The following TMEM70 variants were observed in gnomAD, a reference collection of about 807,000 sequenced individuals.
TMEM70 encodes transmembrane protein 70.
TMEM70 carries 15 observed loss-of-function variants against 20.5 expected under a neutral mutation model. The ratio of observed to expected loss-of-function variants is 0.73; its 90% CI spans 0.49 to 1.13. TMEM70 has a LOEUF of 1.13. Ranked by LOEUF, TMEM70 falls within the 50% of genes most tolerant of loss-of-function variation. The pLI is 0.00. For synonymous variants in TMEM70, 141 were observed against 134.2 expected, an observed-to-expected ratio of 1.05 and a Z score of -0.35; for missense variants, 344 against 331.7, an observed-to-expected ratio of 1.04 and a Z score of -0.29.
In TMEM70 at chr8:73,982,762, G is replaced by A. The variant is rs1815846195; in HGVS notation, c.*1141G>A. On this transcript the variant is annotated 3_prime_UTR_variant, in exon 3 of 3. Transcript: ENST00000312184. Reference sequence around the variant, plus strand: ...ACCCTATGGGTGTAGGAAAACCACTGTTATTAAACAGGTGAAAAATACCTT... The same window carrying A: ...ACCCTATGGGTGTAGGAAAACCACTATTATTAAACAGGTGAAAAATACCTT... The A allele has an allele frequency of 2.2e-6, 1 of 451,934 alleles. No homozygotes were observed. The highest frequency in any genetic ancestry group is 1.6e-5 in the South Asian group (1 of 64,104). 28.0% of individuals were successfully genotyped at this position (451,934 alleles called of 1,614,324 possible). A position where few individuals can be genotyped will look rare whatever the true frequency, so the allele number is the denominator to read the frequency against.
chr8:73,976,649 G>A (rs953474133), intron 1 of TMEM70, among the ~76,000 whole-genome samples, 158 bp downstream of exon 1: 6 of 152,240 alleles, frequency 3.9e-5, no homozygotes, highest in Non-Finnish European at 8.8e-5. Flanking sequence ...GTAGCAGGCC[G>A]AGGGCCCCGG....
At chr8:73,977,709 G>A (rs547758421) in intron 1 of TMEM70, among the ~76,000 whole-genome samples, 2 of 152,076 alleles carry the variant, frequency 1.3e-5, no homozygotes, top group South Asian at 4.2e-4. Flanking sequence ...TTGCCATGTT[G>A]CCCAGGCTGG....
At chr8:73,977,729 C>G (rs1354432441) in intron 1 of TMEM70, among the ~76,000 whole-genome samples, 3 of 151,730 alleles carry the variant, frequency 2.0e-5, no homozygotes, top group Admixed American at 6.6e-5. Context: ...GCCTTAAACT[C>G]CTGGGCTCAA....
intron 1 of TMEM70, among the ~76,000 whole-genome samples, chr8:73,976,856 T>A (rs555902374): frequency 6.6e-6 from 1 of 152,344 alleles, no homozygotes; most frequent in East Asian, 1.9e-4. Context: ...TTAACCTGAC[T>A]TTGAGCTTGT....
Position 73,982,139 on chromosome 8 carries a change from T to C in TMEM70, c.*518T>C. The C allele has an allele frequency of 5.7e-6, 3 of 522,126 alleles. No homozygotes were observed. The highest frequency in any genetic ancestry group is 4.2e-5 in the South Asian group (3 of 70,902). 32.3% of individuals were successfully genotyped at this position (522,126 alleles called of 1,614,324 possible). On this transcript the variant is annotated 3_prime_UTR_variant, in exon 3 of 3. Coordinates refer to ENST00000312184, the MANE Select transcript of TMEM70 (RefSeq NM_017866.6). ...TTGCAGCAGCCATGGCTTTTAAACA[T>C]ACCAGAAAAACACCCGTGGAGTCAG...
intron 1 of TMEM70, among the ~76,000 whole-genome samples, chr8:73,978,357 G>GAGCAAGACTCTGTCTCAAAAAAA (rs1356622043): frequency 1.3e-5 from 2 of 150,536 alleles, no homozygotes; most frequent in African/African-American, 4.9e-5. Context: ...AAAGTGCTGG[G>GAGCAAGACTCTGTCTCAAAAAAA]ATTACAGGCA....
At chr8:73,978,610 A>G (rs1815711139) in intron 1 of TMEM70, 146 bp from the exon 2 acceptor site, 3 of 751,212 alleles carry the variant, frequency 4.0e-6, no homozygotes, top group African/African-American at 1.8e-5. Flanking sequence ...GAATTGCTTG[A>G]ACCCGGGAAG....
chr8:73,979,237 C>G (rs749564362), intron 2 of TMEM70: 3 of 347,442 alleles, frequency 8.6e-6, no homozygotes, highest in Non-Finnish European at 1.7e-5. Context: ...CCATGTTGGT[C>G]AGGCTGGTCT....
intron 2 of TMEM70, 166 bp downstream of exon 2, chr8:73,979,027 C>T (rs1815724801): frequency 2.4e-6 from 2 of 844,134 alleles, no homozygotes; most frequent in South Asian, 1.5e-5. Context: ...GATGTAGAGA[C>T]CTTTGCATTT....
In TMEM70 at chr8:73,981,344, G is replaced by C. The variant is rs752198525; in HGVS notation, c.506G>C (p.Arg169Pro). The C allele has an allele frequency of 6.2e-7, 1 of 1,614,152 alleles. No homozygotes were observed. Among genetic ancestry groups the C allele is most frequent in the Admixed American group, 1.7e-5 (1 of 60,018 alleles). Residue 169 changes from arginine to proline, a missense_variant, in exon 3 of 3, where the codon CGA becomes CCA. Arg to Pro is a moderately radical substitution (Grantham distance 103, BLOSUM62 -2). Coordinates refer to ENST00000312184, the MANE Select transcript of TMEM70 (RefSeq NM_017866.6). ...LHFITKGYVI[R>P]LYHEATTDTY... is the part of the protein sequence containing the mutation. ...TTTATTACAAAAGGCTATGTCATTCGATTGTACCATGAGGCCACAACAGAC... is the reference window on the plus strand; with the variant it reads ...TTTATTACAAAAGGCTATGTCATTCCATTGTACCATGAGGCCACAACAGAC...
chr8:73,978,611 A>G, intron 1 of TMEM70, 145 bp from the exon 2 acceptor site: 1 of 727,608 alleles, frequency 1.4e-6, no homozygotes, highest in South Asian at 1.7e-5. Context: ...AATTGCTTGA[A>G]CCCGGGAAGC....
At position 73,981,332 on chromosome 8, in the gene TMEM70, G is replaced by C. The variant is rs121908743; in HGVS notation, c.494G>C (p.Gly165Ala). The C allele has an allele frequency of 6.2e-7, 1 of 1,614,114 alleles. No individual in the cohort carries two copies. Among genetic ancestry groups the C allele is most frequent in the Admixed American group, 1.7e-5 (1 of 60,010 alleles). The change falls in exon 3 of 3, where the codon GGC (glycine) becomes GCC (alanine). Residue 165 changes from glycine (G) to alanine (A), a missense_variant. Physicochemically the swap from Gly to Ala is moderately conservative, Grantham distance 60. Transcript: ENST00000312184. The part of the protein sequence containing the change: ...TPVLLHFITK[G>A]YVIRLYHEAT... ...GTGCTGCTTCACTTTATTACAAAAG[G>C]CTATGTCATTCGATTGTACCATGAG...
chr8:73,978,506 A>T (rs1024538227), intron 1 of TMEM70, among the ~76,000 whole-genome samples: 1 of 147,790 alleles, frequency 6.8e-6, no homozygotes, highest in Non-Finnish European at 1.5e-5. Context: ...TCTGGCCAAC[A>T]TGGTGAAACC....
rs1815841793 is a variant in TMEM70, at chr8:73,982,625, A to T, written c.*1004A>T. 1 of 475,554 alleles carries T rather than the reference A, an allele frequency of 2.1e-6. No homozygotes were observed. The highest frequency in any genetic ancestry group is 2.3e-5 in the Admixed American group (1 of 43,426). The allele number at this position is 475,554 out of a possible 1,614,324, so 29.5% of individuals were successfully genotyped here. On this transcript the variant is annotated 3_prime_UTR_variant, in exon 3 of 3. Transcript: ENST00000312184. ...CCTAACCCCTGGCATGATTGCCCAT[A>T]AGAACATACATGTACAGTTGAACTG... is the stretch of plus-strand genomic sequence containing the variant.
At chr8:73,979,714 C>G (rs1293142380) in intron 2 of TMEM70, among the ~76,000 whole-genome samples, 17 of 151,844 alleles carry the variant, frequency 1.1e-4, no homozygotes, top group Admixed American at 1.1e-3. Flanking sequence ...TCGAGTGATC[C>G]TCCCACCTCA....
At position 73,976,197 on chromosome 8, in the gene TMEM70, T is replaced by C. The variant is rs1304304560; in HGVS notation, c.-85T>C. On this transcript the variant is annotated 5_prime_UTR_variant, in exon 1 of 3. Transcript: ENST00000312184. Reference sequence around the variant, plus strand: ...GCGTCCCGGGCTGGGCATGCGCCACTTGTGCGGCAGTCGGGTGGGAAGCCG... The same window carrying C: ...GCGTCCCGGGCTGGGCATGCGCCACCTGTGCGGCAGTCGGGTGGGAAGCCG... The C allele has an allele frequency of 1.5e-6, 2 of 1,326,376 alleles. No homozygotes were observed. The highest frequency in any genetic ancestry group is 1.2e-5 in the South Asian group (1 of 80,678). The allele number at this position is 1,326,376 out of a possible 1,614,324, so 82.2% of individuals were successfully genotyped here.
At position 73,982,727 on chromosome 8, in the gene TMEM70, C is replaced by T. The variant is rs1488350458; in HGVS notation, c.*1106C>T. 1 of 455,446 alleles carries T rather than the reference C, an allele frequency of 2.2e-6. No homozygotes were observed. Among genetic ancestry groups the T allele is most frequent in the South Asian group, 1.6e-5 (1 of 64,492 alleles). The allele number at this position is 455,446 out of a possible 1,614,324, so 28.2% of individuals were successfully genotyped here. On this transcript the variant is annotated 3_prime_UTR_variant, in exon 3 of 3. Coordinates refer to ENST00000312184, the MANE Select transcript of TMEM70 (RefSeq NM_017866.6). ...TTGTTTCTGCAACTGTGCACTCCTC[C>T]CTTGGTGGCACCCTATGGGTGTAGG...
chr8:73,976,238 G>C lies in TMEM70; in HGVS notation c.-44G>C. On this transcript the variant is annotated 5_prime_UTR_variant, in exon 1 of 3. Coordinates refer to ENST00000312184, the MANE Select transcript of TMEM70 (RefSeq NM_017866.6). ...TGGGAAGCCGTGTCTCGCAGTCGTG[G>C]ACTCGTGCAGCTGGGGCGTCCGCAG... 1 of 1,552,342 alleles carries C rather than the reference G, an allele frequency of 6.4e-7. No individual in the cohort carries two copies.
chr8:73,982,154 C>T lies in TMEM70; in HGVS notation c.*533C>T, dbSNP rs189246143. 3.2e-5 allele frequency: 17 copies of T among 532,146 alleles called. No homozygotes were observed. The highest frequency in any genetic ancestry group is 3.1e-4 in the East Asian group (6 of 19,672). The allele number at this position is 532,146 out of a possible 1,614,324, so 33.0% of individuals were successfully genotyped here. ...CTTTTAAACATACCAGAAAAACACC[C>T]GTGGAGTCAGAGGTGGCAATTCACC... On this transcript the variant is annotated 3_prime_UTR_variant, in exon 3 of 3. Coordinates refer to ENST00000312184, the MANE Select transcript of TMEM70 (RefSeq NM_017866.6).
Sources: gnomAD v4.1 joint callset for allele counts (sites outside exome capture counted in the v4.1 genomes callset) on GRCh38, gnomAD v4.1.1 for gene constraint, MANE v1.5 for transcripts, NCBI Gene and HGNC (gene_info 2026-07-23, HGNC 2026-07-21) for gene names.